HOMER1: variants seen among roughly 807,000 people sequenced by gnomAD.
HOMER1 encodes the protein homer scaffold protein 1, also known as homer protein homolog 1.
HOMER1 carries 3 observed loss-of-function variants against 48.9 expected under a neutral mutation model. The ratio of observed to expected loss-of-function variants is 0.06; its 90% CI spans 0.03 to 0.16. The LOEUF (loss-of-function observed/expected upper bound fraction) is 0.16, where lower values mean the gene tolerates loss of function less well. Ranked by LOEUF, HOMER1 falls within the 10% of genes least tolerant of loss-of-function variation. The probability of loss-of-function intolerance (pLI) is 1.00; values close to 1 mark genes in which losing one functional copy is unlikely to be tolerated. For missense variants in HOMER1, 247 were observed against 411.4 expected (o/e 0.60, Z 3.46); for synonymous variants, 134 against 146.4 (o/e 0.92, Z 0.61).
At chr5:79,446,230 G>T (rs1409848391) in intron 4 of HOMER1, among the ~76,000 whole-genome samples, 3 of 152,086 alleles carry the variant, frequency 2.0e-5, no homozygotes, top group Admixed American at 2.0e-4. Context: ...CCAGTTACCA[G>T]ACAATGAGGG....
intron 1 of HOMER1, among the ~76,000 whole-genome samples, chr5:79,505,528 T>C (rs982465679): frequency 1.2e-4 from 19 of 152,188 alleles, no homozygotes; most frequent in African/African-American, 4.3e-4. Context: ...CCCTCAATTC[T>C]TACAACTTTT....
intron 8 of HOMER1, among the ~76,000 whole-genome samples, chr5:79,392,565 T>A (rs769359449): frequency 2.0e-5 from 3 of 152,334 alleles, no homozygotes; most frequent in South Asian, 2.1e-4. Flanking sequence ...GTTAAAAAAA[T>A]TTTAAATGTT....
chr5:79,424,281 G>A (rs768629438), intron 5 of HOMER1, among the ~76,000 whole-genome samples: 2 of 151,918 alleles, frequency 1.3e-5, no homozygotes, highest in Non-Finnish European at 2.9e-5. Flanking sequence ...ATTGGTGTTA[G>A]ATTCCAGAAG....
At chr5:79,503,725 CAAAA>C (rs34548421) in intron 1 of HOMER1, among the ~76,000 whole-genome samples, 7 of 123,092 alleles carry the variant, frequency 5.7e-5, no homozygotes, top group Non-Finnish European at 3.7e-5. Flanking sequence ...ACTCTGCCTC[CAAAA>C]AAAAAAAAAA....
intron 5 of HOMER1, among the ~76,000 whole-genome samples, chr5:79,421,645 G>T (rs1422882352): frequency 6.7e-6 from 1 of 149,850 alleles, no homozygotes; most frequent in South Asian, 2.1e-4. Flanking sequence ...TGCTCTTGTC[G>T]CCCAGGCTGG....
intron 6 of HOMER1, 43 bp downstream of exon 6, chr5:79,401,856 C>T (rs776926603): frequency 1.0e-5 from 16 of 1,587,678 alleles, no homozygotes; most frequent in Non-Finnish European, 1.2e-5. Flanking sequence ...ATCAAGAAAA[C>T]CTGTTAGCCC....
intron 5 of HOMER1, among the ~76,000 whole-genome samples, chr5:79,418,245 G>A (rs7709092): frequency 0.48 from 72,587 of 152,082 alleles, 20,607 homozygotes; most frequent in African/African-American, 0.79. Flanking sequence ...GGAGATGATA[G>A]TAAGTGAATA....
intron 8 of HOMER1, among the ~76,000 whole-genome samples, chr5:79,395,516 A>G (rs1749361407): frequency 6.6e-6 from 1 of 152,208 alleles, no homozygotes; most frequent in Non-Finnish European, 1.5e-5. Context: ...ATAGACGACT[A>G]AAATATACAA....
chr5:79,464,362 C>G (rs66486165), intron 1 of HOMER1, among the ~76,000 whole-genome samples: 2 of 151,992 alleles, frequency 1.3e-5, no homozygotes, highest in Admixed American at 1.3e-4. Flanking sequence ...AACATTCTAC[C>G]CTCAGCTTGC....
intron 5 of HOMER1, among the ~76,000 whole-genome samples, chr5:79,403,030 A>G (rs565904142): frequency 6.6e-6 from 1 of 152,326 alleles, no homozygotes; most frequent in East Asian, 1.9e-4. Context: ...ATTCTACTTG[A>G]TAAGTTACTA....
At position 79,410,352 on chromosome 5, in the gene HOMER1, A is replaced by G. The variant is rs1307663979; in HGVS notation, c.528-8297T>C. Among the ~76,000 whole-genome samples, 60 of 152,006 alleles carry G rather than the reference A, an allele frequency of 3.9e-4. 1 individual carries two copies. Among genetic ancestry groups the G allele is most frequent in the Admixed American group, 3.9e-3 (60 of 15,262 alleles). ...ACTAAAAATAGAAAATTAGCTAGGC[A>G]TGGTGGCGCATGCCTGTAATCCCAG... On this transcript the variant is annotated intron_variant, in intron 5 of 8. Transcript: ENST00000334082.
chr5:79,423,152 C>T (rs917594017), intron 5 of HOMER1, among the ~76,000 whole-genome samples: 3 of 152,034 alleles, frequency 2.0e-5, no homozygotes, highest in Non-Finnish European at 4.4e-5. Flanking sequence ...CTTGCTTTCC[C>T]AAAAATGGCA....
chr5:79,509,835 C>T (rs1259257939), intron 1 of HOMER1, among the ~76,000 whole-genome samples: 2 of 152,006 alleles, frequency 1.3e-5, no homozygotes, highest in Non-Finnish European at 2.9e-5. Flanking sequence ...TAATTATCTA[C>T]AATTAAGACG....
rs533577054 is a variant in HOMER1 at position 79,477,274 on chromosome 5, T to C, written c.6-20256A>G. On this transcript the variant is annotated intron_variant, in intron 1 of 8. Transcript: ENST00000334082. ...AGAATTAGTTATAATCCGGAAACTATTTATTGGACAATTTGCTTTTACTGG... is the reference window on the plus strand; with the variant it reads ...AGAATTAGTTATAATCCGGAAACTACTTATTGGACAATTTGCTTTTACTGG... Among the ~76,000 whole-genome samples the C allele has an allele frequency of 1.0e-3, 158 of 152,328 alleles. 2 individuals carry two copies. The highest frequency in any genetic ancestry group is 6.8e-3 in the Middle Eastern group (2 of 294).
intron 5 of HOMER1, among the ~76,000 whole-genome samples, chr5:79,421,736 C>T (rs1184614660): frequency 6.6e-6 from 1 of 151,924 alleles, no homozygotes; most frequent in Non-Finnish European, 1.5e-5. Context: ...TCCCGAGTAG[C>T]TGGGATTACA....
chr5:79,384,621 A>G lies in HOMER1; in HGVS notation c.877-8424T>C, dbSNP rs143678839. Among the ~76,000 whole-genome samples, 1,508 of 152,308 alleles carry G rather than the reference A, an allele frequency of 9.9e-3. 8 individuals carry two copies. Among genetic ancestry groups the G allele is most frequent in the Non-Finnish European group, 0.014 (953 of 68,024 alleles). The stretch of plus-strand genomic sequence containing the variant: ...AACTATTCCATAAAAATTGAAGAGG[A>G]GGGAACTTTTCCTAACTTATTCTAT... On this transcript the variant is annotated intron_variant, in intron 8 of 8. Transcript: ENST00000334082.
chr5:79,511,517 T>G (rs778034692), intron 1 of HOMER1, among the ~76,000 whole-genome samples: 1 of 152,176 alleles, frequency 6.6e-6, no homozygotes, highest in Non-Finnish European at 1.5e-5. Context: ...GGTCAAGTAA[T>G]TTGCCTCAGA....
intron 8 of HOMER1, among the ~76,000 whole-genome samples, chr5:79,377,570 C>T (rs976371451): frequency 2.3e-4 from 22 of 97,198 alleles, no homozygotes; most frequent in African/African-American, 1.2e-3. Context: ...GTTAGTTACA[C>T]AACATGATAG....
chr5:79,507,683 T>C (rs995803744), intron 1 of HOMER1, among the ~76,000 whole-genome samples: 1 of 147,772 alleles, frequency 6.8e-6, no homozygotes, highest in Non-Finnish European at 1.5e-5. Context: ...TAACTAAAAA[T>C]AAATACTTCA....
Sources: gnomAD v4.1 joint callset for allele counts (sites outside exome capture counted in the v4.1 genomes callset) on GRCh38, gnomAD v4.1.1 for gene constraint, MANE v1.5 for transcripts, NCBI Gene and HGNC (gene_info 2026-07-23, HGNC 2026-07-21) for gene names.